Variants in RPL13 observed in about 807,000 individuals in gnomAD.
RPL13 encodes ribosomal protein L13.
A neutral mutation model predicts 21.4 loss-of-function variants in RPL13; 1 was observed. That is an observed-to-expected ratio of 0.05 (90% CI 0.02 to 0.22). The LOEUF (loss-of-function observed/expected upper bound fraction) is 0.22, where lower values mean the gene tolerates loss of function less well. RPL13 is among the 10% of genes least tolerant of loss of function. The pLI, the probability that RPL13 is intolerant of heterozygous loss-of-function variation, is 1.00. For missense variants in RPL13, 289 were observed against 303.0 expected (o/e 0.95, Z 0.34); for synonymous variants, 143 against 120.5 (o/e 1.19, Z -1.23).
rs1481337811 is a variant in RPL13, at chr16:89,561,560, T to C, written c.247-18T>C. 2 of 1,613,252 alleles carry C rather than the reference T, an allele frequency of 1.2e-6. No homozygotes were observed. The highest frequency in any genetic ancestry group is 1.3e-5 in the African/African-American group (1 of 74,934). Reference sequence around the variant, plus strand: ...GAAAGCCCGGGCCTGTCTCCATCTCTCTCTGGTTCTGGGGCAGGTGGCCGG... The same window carrying C: ...GAAAGCCCGGGCCTGTCTCCATCTCCCTCTGGTTCTGGGGCAGGTGGCCGG... On this transcript the variant is annotated intron_variant, in intron 3 of 5. Transcript: ENST00000311528.
chr16:89,562,281 G>A, intron 4 of RPL13, 54 bp from the exon 5 acceptor site: 1 of 1,569,708 alleles, frequency 6.4e-7, no homozygotes, highest in African/African-American at 1.4e-5. Context: ...GGTGAGGGTG[G>A]AGTCCTTGCA....
chr16:89,565,803 C>T (rs1018325771), downstream of RPL13: 19 of 152,370 alleles, frequency 1.2e-4, no homozygotes, highest in African/African-American at 4.3e-4. Context: ...GCGTGGGTCA[C>T]TGGGAGCTGA....
At position 89,561,080 on chromosome 16, in the gene RPL13, G is replaced by T; in HGVS notation, c.104+17G>T. 1.9e-6 allele frequency: 3 copies of T among 1,595,078 alleles called. No individual in the cohort carries two copies. The South Asian group carries it at 3.4e-5, about 18-fold the overall frequency. ...GATCCGCAGGTGAGCCCTGCGCTCG[G>T]GGCTGCCCCTGGGGCTCGTGCCCGC... On this transcript the variant is annotated intron_variant, in intron 2 of 5. Coordinates refer to ENST00000311528, the MANE Select transcript of RPL13 (RefSeq NM_000977.4).
intron 1 of RPL13, 21 bp downstream of exon 1, chr16:89,560,733 G>C (rs1597673420): frequency 2.0e-6 from 1 of 502,346 alleles, no homozygotes; most frequent in Admixed American, 4.0e-5. Context: ...CTGGGTCCTG[G>C]CCTTTGGGCA....
At position 89,560,986 on chromosome 16, in the gene RPL13, C is replaced by T. The variant is rs142209311; in HGVS notation, c.27C>T (p.Val9=). The change falls in exon 2 of 6, where the codon GTC becomes GTT. Residue 9 remains valine, a synonymous_variant. Transcript: ENST00000311528. MAPSRNGM[V]LKPHFHKDWQ... is the part of the protein sequence containing the mutation. ...TGGCGCCCAGCCGGAATGGCATGGTCTTGAAGCCCCACTTCCACAAGGACT... is the reference window on the plus strand; with the variant it reads ...TGGCGCCCAGCCGGAATGGCATGGTTTTGAAGCCCCACTTCCACAAGGACT... 282 of 1,607,440 alleles carry T rather than the reference C, an allele frequency of 1.8e-4. 2 individuals carry two copies. The African/African-American group carries it at 3.4e-3, about 19-fold the overall frequency.
At position 89,560,942 on chromosome 16, in the gene RPL13, G is replaced by A; in HGVS notation, c.-18G>A. On this transcript the variant is annotated splice_region_variant and 5_prime_UTR_variant, in exon 2 of 6. Transcript: ENST00000311528. ...ACTCGCTCCCCTCTCGTCCGCAGCC[G>A]CAGGGCCGTAGGCAGCCATGGCGCC... 11 of 1,593,128 alleles carry A rather than the reference G, an allele frequency of 6.9e-6. No individual in the cohort carries two copies. The highest frequency in any genetic ancestry group is 8.5e-6 in the Non-Finnish European group (10 of 1,172,384).
At chr16:89,561,442 T>G in intron 3 of RPL13, 74 bp downstream of exon 3, 1 of 1,612,388 alleles carries the variant, frequency 6.2e-7, no homozygotes, top group African/African-American at 1.3e-5. Flanking sequence ...CGTGATGACA[T>G]TCTCCGGAAT....
Position 89,560,971 on chromosome 16 carries a change from C to G in RPL13, c.12C>G (p.Ser4Arg). 2 of 1,604,448 alleles carry G rather than the reference C, an allele frequency of 1.2e-6. No homozygotes were observed. The highest frequency in any genetic ancestry group is 1.7e-6 in the Non-Finnish European group (2 of 1,177,506). MAP[S>R]RNGMVLKPHF... is the part of the protein sequence containing the mutation. ...GGCCGTAGGCAGCCATGGCGCCCAG[C>G]CGGAATGGCATGGTCTTGAAGCCCC... is the stretch of plus-strand genomic sequence containing the variant. The change falls in exon 2 of 6, where the codon AGC becomes AGG. Residue 4 changes from serine (S) to arginine (R), a missense_variant. Physicochemically the swap from Ser to Arg is moderately radical, Grantham distance 110 (BLOSUM62 -1). Coordinates refer to ENST00000311528, the MANE Select transcript of RPL13 (RefSeq NM_000977.4).
At chr16:89,562,089 T>C in intron 4 of RPL13, 1 of 589,364 alleles carries the variant, frequency 1.7e-6, no homozygotes, top group Non-Finnish European at 3.0e-6. Flanking sequence ...GGGAACAGTT[T>C]TCTCTGCCCC....
intron 5 of RPL13, 80 bp downstream of exon 5, chr16:89,562,471 G>C: frequency 7.2e-7 from 1 of 1,384,634 alleles, no homozygotes; most frequent in Non-Finnish European, 1.0e-6. Context: ...GCGGGTGATG[G>C]GGGTCAGGCT....
downstream of RPL13, chr16:89,564,803 A>C (rs1460206164): frequency 6.6e-6 from 1 of 152,452 alleles, no homozygotes; most frequent in African/African-American, 2.4e-5. Flanking sequence ...TCTGCCCTCC[A>C]GCCTGCTTCC....
At chr16:89,561,389 G>T in intron 3 of RPL13, 21 bp downstream of exon 3, 1 of 1,610,914 alleles carries the variant, frequency 6.2e-7, no homozygotes, top group Non-Finnish European at 8.5e-7. Flanking sequence ...GCAGCGCTGC[G>T]GTGTCAGGAA....
At chr16:89,562,116 TAG>T in intron 4 of RPL13, 1 of 607,394 alleles carries the variant, frequency 1.6e-6, no homozygotes. Flanking sequence ...GGTTCACAGG[TAG>T]ATAACTGTCT....
Position 89,562,317 on chromosome 16 carries a change from C to G in RPL13, c.421-18C>G, listed in dbSNP as rs2058751196. The G allele has an allele frequency of 2.5e-6, 4 of 1,613,294 alleles. No homozygotes were observed. In the East Asian group the frequency reaches 8.9e-5, roughly 36 times the overall value. ...GCAGTGCGGCCAACCCCACTTAACT[C>G]TTCTCATTCACCAACAGGCTGAAGA... On this transcript the variant is annotated intron_variant, in intron 4 of 5. Coordinates refer to ENST00000311528, the MANE Select transcript of RPL13 (RefSeq NM_000977.4).
At position 89,563,147 on chromosome 16, in the gene RPL13, TC is replaced by T; in HGVS notation, c.*107del. The T allele has an allele frequency of 8.9e-7, 1 of 1,125,962 alleles. No individual in the cohort carries two copies. The highest frequency in any genetic ancestry group is 1.2e-6 in the Non-Finnish European group (1 of 845,666). The allele number at this position is 1,125,962 out of a possible 1,614,324, so 69.7% of individuals were successfully genotyped here. ...GGGATGGGGCTTCACTGCTGTGACTTCCTCCTGCCAGGGGATTTGGGGCTTT... is the reference window on the plus strand; with the variant it reads ...GGGATGGGGCTTCACTGCTGTGACTTCTCCTGCCAGGGGATTTGGGGCTTT... On this transcript the variant is annotated 3_prime_UTR_variant, in exon 6 of 6. Coordinates refer to ENST00000311528, the MANE Select transcript of RPL13 (RefSeq NM_000977.4).
Position 89,561,736 on chromosome 16 carries a change from G to A in RPL13, c.405G>A (p.Lys135=), listed in dbSNP as rs1271006214. 1.2e-6 allele frequency: 2 copies of A among 1,613,680 alleles called. No homozygotes were observed. The highest frequency in any genetic ancestry group is 2.2e-5 in the East Asian group (1 of 44,884). Residue 135 remains lysine, a synonymous_variant, in exon 4 of 6, where the codon AAG becomes AAA. Coordinates refer to ENST00000311528, the MANE Select transcript of RPL13 (RefSeq NM_000977.4). ...TCCCCAGGAAGCCCTCGGCCCCCAAGAAGGGAGACAGTTCTGTGAGTACAC... is the reference window on the plus strand; with the variant it reads ...TCCCCAGGAAGCCCTCGGCCCCCAAAAAGGGAGACAGTTCTGTGAGTACAC... The part of the protein sequence containing the change: ...ILFPRKPSAP[K]KGDSSAEELK...
At position 89,563,206 on chromosome 16, in the gene RPL13, T is replaced by C; in HGVS notation, c.*164T>C. Reference sequence around the variant, plus strand: ...GACAGTCCAAGCCCTGGATAATGCTTTACTTTCTGTGTTGAAGCACTGTTG... The same window carrying C: ...GACAGTCCAAGCCCTGGATAATGCTCTACTTTCTGTGTTGAAGCACTGTTG... On this transcript the variant is annotated 3_prime_UTR_variant, in exon 6 of 6. Transcript: ENST00000311528. The C allele has an allele frequency of 1.6e-6, 1 of 609,554 alleles. No homozygotes were observed. The highest frequency in any genetic ancestry group is 2.5e-6 in the Non-Finnish European group (1 of 395,450). The allele number at this position is 609,554 out of a possible 1,614,324, so 37.8% of individuals were successfully genotyped here.
Position 89,560,730 on chromosome 16 carries a change from C to G in RPL13, c.-21+18C>G, listed in dbSNP as rs1046059077. ...CGCAGGAGGTGAGGGAGACTGGGTCCTGGCCTTTGGGCATCATCCAGCGCC... is the reference window on the plus strand; with the variant it reads ...CGCAGGAGGTGAGGGAGACTGGGTCGTGGCCTTTGGGCATCATCCAGCGCC... On this transcript the variant is annotated intron_variant, in intron 1 of 5. Coordinates refer to ENST00000311528, the MANE Select transcript of RPL13 (RefSeq NM_000977.4). 3 of 498,374 alleles carry G rather than the reference C, an allele frequency of 6.0e-6. No individual in the cohort carries two copies. The highest frequency in any genetic ancestry group is 1.1e-5 in the Non-Finnish European group (3 of 283,546). 30.9% of individuals were successfully genotyped at this position (498,374 alleles called of 1,614,324 possible). A position where few individuals can be genotyped will look rare whatever the true frequency, so the allele number is the denominator to read the frequency against.
Position 89,560,704 on chromosome 16 carries a change from G to C in RPL13, c.-29G>C. The C allele has an allele frequency of 4.7e-6, 2 of 424,382 alleles. No individual in the cohort carries two copies. Among genetic ancestry groups the C allele is most frequent in the East Asian group, 4.1e-5 (1 of 24,300 alleles). 26.3% of individuals were successfully genotyped at this position (424,382 alleles called of 1,614,324 possible). A position where few individuals can be genotyped will look rare whatever the true frequency, so the allele number is the denominator to read the frequency against. On this transcript the variant is annotated 5_prime_UTR_variant, in exon 1 of 6. Coordinates refer to ENST00000311528, the MANE Select transcript of RPL13 (RefSeq NM_000977.4). ...TTCCTTTCCGCTCGGCTGTTTTCCT[G>C]CGCAGGAGGTGAGGGAGACTGGGTC...
Sources: allele counts gnomAD v4.1 joint callset, GRCh38; gene constraint gnomAD v4.1.1; transcripts MANE v1.5; gene names NCBI Gene and HGNC (gene_info 2026-07-23, HGNC 2026-07-21).